Variants in SAMD5 observed in about 807,000 individuals in gnomAD.
The protein encoded by SAMD5 is sterile alpha motif domain containing 5.
A neutral mutation model predicts 11.3 loss-of-function variants in SAMD5; 13 were observed. The ratio of observed to expected loss-of-function variants is 1.15; its 90% CI spans 0.75 to 1.83. The LOEUF (loss-of-function observed/expected upper bound fraction) is 1.83, where lower values mean the gene tolerates loss of function less well. Among genes scored for constraint, SAMD5 ranks in the 40% most tolerant of loss-of-function variants. The probability of loss-of-function intolerance (pLI) is 0.00; values close to 1 mark genes in which losing one functional copy is unlikely to be tolerated. For missense variants in SAMD5, 255 were observed against 239.1 expected, an observed-to-expected ratio of 1.07 and a Z score of -0.44; for synonymous variants, 129 against 111.3, an observed-to-expected ratio of 1.16 and a Z score of -1.00.
At chr6:147,561,125 AG>A (rs1788941024) in intron 1 of SAMD5, among the ~76,000 whole-genome samples, 1 of 152,248 alleles carries the variant, frequency 6.6e-6, no homozygotes, top group African/African-American at 2.4e-5. Context: ...GCAAAATGTT[AG>A]GGGTGTTAAG....
chr6:147,856,591 T>C, the SAMD5 span, among the ~76,000 whole-genome samples: 2 of 152,168 alleles, frequency 1.3e-5, no homozygotes, highest in Non-Finnish European at 2.9e-5. Context: ...TAGGAGACTC[T>C]CAAAAATGAT....
At chr6:147,751,889 TAGA>T in the SAMD5 span, among the ~76,000 whole-genome samples, 22 of 152,254 alleles carry the variant, frequency 1.4e-4, no homozygotes, top group Admixed American at 1.0e-3. Context: ...ATATAATAAA[TAGA>T]AGATGGTACA....
intron 1 of SAMD5, among the ~76,000 whole-genome samples, chr6:147,732,339 C>T (rs561481789): frequency 6.6e-6 from 1 of 152,216 alleles, no homozygotes; most frequent in East Asian, 1.9e-4. Flanking sequence ...CAATTTCTCT[C>T]GTATATTACT....
chr6:147,682,311 G>A (rs1279559882), intron 1 of SAMD5, among the ~76,000 whole-genome samples: 3 of 152,160 alleles, frequency 2.0e-5, no homozygotes. Context: ...TGTCTGGTTT[G>A]TAGTCATTTC....
At chr6:147,752,393 T>C in the SAMD5 span, among the ~76,000 whole-genome samples, 2 of 152,230 alleles carry the variant, frequency 1.3e-5, no homozygotes, top group Non-Finnish European at 2.9e-5. Context: ...TTTTTATTCA[T>C]GTTTTATATA....
At chr6:147,815,965 A>G in the SAMD5 span, among the ~76,000 whole-genome samples, 4 of 152,258 alleles carry the variant, frequency 2.6e-5, no homozygotes, top group South Asian at 4.1e-4. Flanking sequence ...TCTTGTTTAC[A>G]GTACTATTCT....
intron 1 of SAMD5, among the ~76,000 whole-genome samples, chr6:147,715,356 C>T (rs1051902871): frequency 1.3e-4 from 20 of 152,318 alleles, no homozygotes; most frequent in Non-Finnish European, 2.5e-4. Context: ...CAACTCCAGG[C>T]ACCAGCATGG....
intron 1 of SAMD5, among the ~76,000 whole-genome samples, chr6:147,601,561 A>T (rs140454920): frequency 6.6e-6 from 1 of 152,314 alleles, no homozygotes; most frequent in African/African-American, 2.4e-5. Flanking sequence ...GCACACTTTG[A>T]TCAGACCTTC....
the SAMD5 span, among the ~76,000 whole-genome samples, chr6:147,778,204 GT>G: frequency 6.6e-6 from 1 of 152,088 alleles, no homozygotes; most frequent in African/African-American, 2.4e-5. Context: ...TTCCAAACTT[GT>G]CATCACTGAA....
At chr6:147,541,753 G>A (rs1442910069) in intron 1 of SAMD5, among the ~76,000 whole-genome samples, 1 of 152,130 alleles carries the variant, frequency 6.6e-6, no homozygotes, top group Non-Finnish European at 1.5e-5. Flanking sequence ...AGAACTCCAA[G>A]AGTATCCCTT....
the SAMD5 span, among the ~76,000 whole-genome samples, chr6:147,899,979 G>T: frequency 3.5e-4 from 53 of 152,336 alleles, no homozygotes; most frequent in African/African-American, 1.2e-3. Context: ...AAAGAAGGAA[G>T]AAGGGAAGCA....
chr6:147,838,891 C>T, the SAMD5 span, among the ~76,000 whole-genome samples: 1 of 152,176 alleles, frequency 6.6e-6, no homozygotes, highest in Non-Finnish European at 1.5e-5. Flanking sequence ...TACAGGAGGC[C>T]TGAAGCATGT....
At chr6:147,930,963 C>A in the SAMD5 span, among the ~76,000 whole-genome samples, 458 of 152,272 alleles carry the variant, frequency 3.0e-3, 4 homozygotes, top group African/African-American at 9.9e-3. Context: ...CCAGAAACAC[C>A]CTCACAGACA....
At chr6:147,618,404 G>A (rs549719821) in intron 1 of SAMD5, among the ~76,000 whole-genome samples, 2 of 152,190 alleles carry the variant, frequency 1.3e-5, no homozygotes, top group African/African-American at 2.4e-5. Context: ...GGCAACATGA[G>A]GGGGAGCAGA....
intron 1 of SAMD5, among the ~76,000 whole-genome samples, chr6:147,617,171 G>T (rs1253262009): frequency 6.6e-6 from 1 of 152,178 alleles, no homozygotes; most frequent in African/African-American, 2.4e-5. Flanking sequence ...ATTCATACCT[G>T]ATATGAAAAG....
At chr6:147,800,226 G>C in the SAMD5 span, among the ~76,000 whole-genome samples, 4 of 152,174 alleles carry the variant, frequency 2.6e-5, no homozygotes, top group Non-Finnish European at 4.4e-5. Context: ...TTTGATGATG[G>C]TGATGTACAG....
the SAMD5 span, among the ~76,000 whole-genome samples, chr6:147,776,848 C>G: frequency 6.6e-6 from 1 of 152,210 alleles, no homozygotes; most frequent in South Asian, 2.1e-4. Flanking sequence ...CCCAGCGGGT[C>G]ATTAATTCCC....
At chr6:147,686,931 G>C (rs1452951078) in intron 1 of SAMD5, among the ~76,000 whole-genome samples, 1 of 151,886 alleles carries the variant, frequency 6.6e-6, no homozygotes, top group Non-Finnish European at 1.5e-5. Flanking sequence ...TGTGCCGAAC[G>C]TGCAGTTTTG....
chr6:147,938,557 G>T, the SAMD5 span, among the ~76,000 whole-genome samples: 48 of 152,158 alleles, frequency 3.2e-4, 1 homozygote, highest in East Asian at 7.2e-3. Context: ...ATCCTCATTC[G>T]CTGGGCTGAG....
Sources: gnomAD v4.1 joint callset for allele counts (sites outside exome capture counted in the v4.1 genomes callset) on GRCh38, gnomAD v4.1.1 for gene constraint, MANE v1.5 for transcripts, NCBI Gene and HGNC (gene_info 2026-07-23, HGNC 2026-07-21) for gene names.